Variants in NCALD observed in about 807,000 individuals in gnomAD.
The protein encoded by NCALD is neurocalcin-delta.
NCALD carries 10 observed loss-of-function variants against 18.6 expected under a neutral mutation model. The observed-to-expected ratio is 0.54, with a 90% CI of 0.33 to 0.91. NCALD has a LOEUF of 0.91. Among genes scored for constraint, NCALD ranks in the 40% least tolerant of loss-of-function variants. NCALD has a pLI of 0.03. For missense variants in NCALD, 184 were observed against 247.6 expected, an observed-to-expected ratio of 0.74 and a Z score of 1.72; for synonymous variants, 88 against 87.4, an observed-to-expected ratio of 1.01 and a Z score of -0.04.
chr8:101,974,671 C>T (rs1820358398), intron 2 of NCALD, among the ~76,000 whole-genome samples: 1 of 152,124 alleles, frequency 6.6e-6, no homozygotes. Context: ...AGCAAACATA[C>T]AATGAAACTT....
chr8:101,770,060 A>C (rs2130888974), intron 1 of NCALD, among the ~76,000 whole-genome samples: 1 of 152,324 alleles, frequency 6.6e-6, no homozygotes, highest in Admixed American at 6.5e-5. Context: ...TAGTTGTAAA[A>C]GTTTCCTAAC....
In NCALD at chr8:101,883,122, A is replaced by G. The variant is rs1015942205; in HGVS notation, c.-20+4019T>C. 3.9e-5 allele frequency among the ~76,000 whole-genome samples: 6 copies of G among 152,216 alleles called. No individual in the cohort carries two copies. In the East Asian group the frequency reaches 1.2e-3, roughly 29 times the overall value. On this transcript the variant is annotated intron_variant, in intron 4 of 6. Transcript: ENST00000311028. Reference sequence around the variant, plus strand: ...TGTGGTGGCTCACGTCTATAACTCCAACACTTAGGAAGGCCAAAACAGAAG... The same window carrying G: ...TGTGGTGGCTCACGTCTATAACTCCGACACTTAGGAAGGCCAAAACAGAAG...
At chr8:101,788,781 C>T (rs368129973) in intron 1 of NCALD, 61 of 152,296 alleles carry the variant, frequency 4.0e-4, no homozygotes, top group African/African-American at 1.3e-3. Flanking sequence ...TAGAGTACCT[C>T]GTTCCTTGCC....
At chr8:101,809,701 C>T (rs535544565) in intron 4 of NCALD, among the ~76,000 whole-genome samples, 1 of 152,228 alleles carries the variant, frequency 6.6e-6, no homozygotes, top group Non-Finnish European at 1.5e-5. Context: ...TGCGCCACCA[C>T]ACCCAGCTAA....
chr8:101,896,233 T>C (rs962393549), intron 3 of NCALD, among the ~76,000 whole-genome samples: 8 of 152,048 alleles, frequency 5.3e-5, no homozygotes, highest in African/African-American at 1.9e-4. Context: ...CATCTGATCT[T>C]TGACAAACCT....
intron 4 of NCALD, among the ~76,000 whole-genome samples, chr8:101,885,837 G>A (rs1456481816): frequency 6.6e-6 from 1 of 152,178 alleles, no homozygotes; most frequent in Non-Finnish European, 1.5e-5. Context: ...AAGCTTTACT[G>A]TCTTTAGGCA....
At chr8:101,802,222 C>T (rs966730762) in intron 4 of NCALD, among the ~76,000 whole-genome samples, 1 of 152,158 alleles carries the variant, frequency 6.6e-6, no homozygotes, top group South Asian at 2.1e-4. Context: ...CTTTGGGGCA[C>T]CACAAACCAT....
chr8:101,690,487 A>T, intron 3 of NCALD: 1 of 985,318 alleles, frequency 1.0e-6, no homozygotes, highest in Non-Finnish European at 1.2e-6. Context: ...TTGGACTCTC[A>T]CGCTAAGCCA....
chr8:101,872,836 G>C (rs539401145), intron 4 of NCALD, among the ~76,000 whole-genome samples: 2 of 152,242 alleles, frequency 1.3e-5, no homozygotes, highest in East Asian at 3.9e-4. Flanking sequence ...GATCCCAATA[G>C]CAGGAAGTGT....
intron 1 of NCALD, among the ~76,000 whole-genome samples, chr8:101,766,701 C>T (rs1308558116): frequency 2.0e-5 from 3 of 152,112 alleles, no homozygotes; most frequent in African/African-American, 4.8e-5. Flanking sequence ...CTCAGCCTCC[C>T]GAGTAGCTGG....
At chr8:101,842,139 C>T (rs925498765) in intron 4 of NCALD, among the ~76,000 whole-genome samples, 1 of 152,168 alleles carries the variant, frequency 6.6e-6, no homozygotes, top group Admixed American at 6.5e-5. Flanking sequence ...GGTCTTCCCT[C>T]TCTACATCTC....
chr8:101,897,525 A>G (rs1049802280), intron 3 of NCALD, among the ~76,000 whole-genome samples: 2 of 152,140 alleles, frequency 1.3e-5, no homozygotes. Context: ...ATAAAAAAAA[A>G]AGAAAGTACT....
At chr8:102,000,697 G>T (rs1821422230) in intron 2 of NCALD, among the ~76,000 whole-genome samples, 1 of 152,180 alleles carries the variant, frequency 6.6e-6, no homozygotes, top group Non-Finnish European at 1.5e-5. Flanking sequence ...GAATGATCAG[G>T]CAACAACACT....
At chr8:102,116,374 T>C (rs1825787155) in intron 1 of NCALD, among the ~76,000 whole-genome samples, 2 of 152,268 alleles carry the variant, frequency 1.3e-5, no homozygotes, top group Middle Eastern at 3.4e-3. Flanking sequence ...AGAGAATCCA[T>C]AGTTGCCGTG....
chr8:101,984,867 A>C (rs1820746728), intron 2 of NCALD, among the ~76,000 whole-genome samples: 1 of 152,186 alleles, frequency 6.6e-6, no homozygotes, highest in African/African-American at 2.4e-5. Context: ...CCATCACCTC[A>C]GTTCACATCA....
chr8:101,891,472 T>C (rs1440035197), intron 3 of NCALD, among the ~76,000 whole-genome samples: 5 of 152,252 alleles, frequency 3.3e-5, no homozygotes, highest in Non-Finnish European at 7.3e-5. Context: ...TGAGTAGTAT[T>C]CCATTGTATG....
At chr8:101,717,277 T>C (rs1404452209) in intron 2 of NCALD, among the ~76,000 whole-genome samples, 3 of 152,202 alleles carry the variant, frequency 2.0e-5, no homozygotes, top group African/African-American at 7.2e-5. Context: ...CAGGAAGCGA[T>C]GTCAGGGAAG....
chr8:101,839,192 C>T (rs2131280807), intron 4 of NCALD, among the ~76,000 whole-genome samples: 2 of 152,232 alleles, frequency 1.3e-5, no homozygotes, highest in South Asian at 4.2e-4. Context: ...TGGAATTCCA[C>T]ACCCGACCTG....
intron 1 of NCALD, among the ~76,000 whole-genome samples, chr8:101,776,884 T>C (rs988742060): frequency 3.3e-5 from 5 of 152,142 alleles, no homozygotes; most frequent in African/African-American, 1.2e-4. Flanking sequence ...CAGCTCTATT[T>C]AGACCTGCAC....
Sources: allele counts gnomAD v4.1 joint callset (sites outside exome capture counted in the v4.1 genomes callset), GRCh38; gene constraint gnomAD v4.1.1; transcripts MANE v1.5; gene names NCBI Gene and HGNC (gene_info 2026-07-23, HGNC 2026-07-21).